Variants in NKAIN3 observed in about 807,000 individuals in gnomAD.
NKAIN3 encodes sodium/potassium-transporting ATPase subunit beta-1-interacting protein 3.
In NKAIN3, 25 loss-of-function variants were observed where a neutral mutation model predicts 30.2. The ratio of observed to expected loss-of-function variants is 0.83; its 90% CI spans 0.60 to 1.16. The LOEUF (loss-of-function observed/expected upper bound fraction) is 1.16, where lower values mean the gene tolerates loss of function less well. NKAIN3 is among the 50% of genes most tolerant of loss of function. The pLI is 0.00. For missense variants in NKAIN3, 225 were observed against 254.1 expected (o/e 0.89, Z 0.78); for synonymous variants, 91 against 89.6 (o/e 1.02, Z -0.09).
chr8:62,695,051 G>A (rs574063602), intron 3 of NKAIN3, among the ~76,000 whole-genome samples: 16 of 152,192 alleles, frequency 1.1e-4, no homozygotes, highest in African/African-American at 2.6e-4. Context: ...ATCCCTATGC[G>A]GATTTCATAT....
chr8:62,921,507 C>G (rs1166837270), intron 5 of NKAIN3, among the ~76,000 whole-genome samples: 1 of 152,116 alleles, frequency 6.6e-6, no homozygotes, highest in Non-Finnish European at 1.5e-5. Context: ...ACACTTATTT[C>G]TAGCCACCCG....
intron 4 of NKAIN3, among the ~76,000 whole-genome samples, chr8:62,845,968 C>A (rs1258239057): frequency 3.9e-5 from 6 of 152,070 alleles, no homozygotes; most frequent in Non-Finnish European, 8.8e-5. Flanking sequence ...ACAGAACTAA[C>A]CAGAGACCCC....
At position 62,601,068 on chromosome 8, in the gene NKAIN3, C is replaced by A. The variant is rs578013590; in HGVS notation, c.273+11274C>A. ...ATGAACAATTGCAGAGGAAACAGAACTCTCAGTTTCCCTCAGCTGCTTACA... is the reference window on the plus strand; with the variant it reads ...ATGAACAATTGCAGAGGAAACAGAAATCTCAGTTTCCCTCAGCTGCTTACA... On this transcript the variant is annotated intron_variant, in intron 3 of 6. Transcript: ENST00000623646. Among the ~76,000 whole-genome samples the A allele has an allele frequency of 2.0e-4, 30 of 152,168 alleles. No individual in the cohort carries two copies. The South Asian group carries it at 6.2e-3, about 31-fold the overall frequency.
chr8:62,266,464 ATTATT>A (rs1812602464), intron 1 of NKAIN3, among the ~76,000 whole-genome samples: 1 of 152,236 alleles, frequency 6.6e-6, no homozygotes, highest in African/African-American at 2.4e-5. Flanking sequence ...AAGAAAAACG[ATTATT>A]TTAAATAGAT....
intron 4 of NKAIN3, among the ~76,000 whole-genome samples, chr8:62,843,759 A>G (rs1819596101): frequency 6.6e-6 from 1 of 152,162 alleles, no homozygotes; most frequent in South Asian, 2.1e-4. Context: ...CAGCAACAAT[A>G]GGGAACTAAT....
chr8:62,745,353 G>C (rs975008018), intron 3 of NKAIN3, among the ~76,000 whole-genome samples: 4 of 152,172 alleles, frequency 2.6e-5, no homozygotes, highest in Non-Finnish European at 4.4e-5. Flanking sequence ...ATGGCCCCCT[G>C]GCACTAAGAC....
chr8:62,747,270 A>G (rs1816108225), intron 4 of NKAIN3, 141 bp downstream of exon 4: 1 of 582,794 alleles, frequency 1.7e-6, no homozygotes. Context: ...TGGTACCACT[A>G]GTTATACCTG....
intron 4 of NKAIN3, among the ~76,000 whole-genome samples, chr8:62,886,161 CTT>C (rs201069172): frequency 6.8e-6 from 1 of 147,836 alleles, no homozygotes. Flanking sequence ...CTTTCTTTAA[CTT>C]TTTTTTTTAG....
intron 3 of NKAIN3, among the ~76,000 whole-genome samples, chr8:62,697,297 G>C (rs906986803): frequency 2.6e-5 from 4 of 152,064 alleles, no homozygotes; most frequent in Admixed American, 2.0e-4. Context: ...CTCTGTTCCA[G>C]CCATGCTGGC....
intron 4 of NKAIN3, among the ~76,000 whole-genome samples, chr8:62,775,690 C>A (rs998616382): frequency 6.6e-6 from 1 of 151,960 alleles, no homozygotes; most frequent in Non-Finnish European, 1.5e-5. Context: ...CATTAAATTT[C>A]CATGTGCTTC....
intron 1 of NKAIN3, among the ~76,000 whole-genome samples, chr8:62,531,775 A>G (rs113694185): frequency 0.029 from 4,344 of 152,284 alleles, 212 homozygotes; most frequent in African/African-American, 0.099. Flanking sequence ...CACTCAGGGA[A>G]AGGGAAATCA....
intron 4 of NKAIN3, among the ~76,000 whole-genome samples, chr8:62,872,595 T>C (rs1820678158): frequency 6.6e-6 from 1 of 152,186 alleles, no homozygotes; most frequent in Non-Finnish European, 1.5e-5. Context: ...TGTGTTACCA[T>C]TGTGTGATTT....
intron 1 of NKAIN3, among the ~76,000 whole-genome samples, chr8:62,500,125 A>G (rs573586184): frequency 8.5e-5 from 13 of 152,212 alleles, no homozygotes; most frequent in African/African-American, 3.1e-4. Flanking sequence ...AGAGACTTCT[A>G]TCATCCTCAA....
intron 4 of NKAIN3, among the ~76,000 whole-genome samples, chr8:62,825,624 A>C (rs1333988225): frequency 6.6e-6 from 1 of 152,270 alleles, no homozygotes; most frequent in Non-Finnish European, 1.5e-5. Flanking sequence ...CCTGACTGAC[A>C]ATCAGAATTA....
At chr8:62,811,357 A>G (rs560652689) in intron 4 of NKAIN3, among the ~76,000 whole-genome samples, 130 of 152,214 alleles carry the variant, frequency 8.5e-4, no homozygotes, top group Non-Finnish European at 1.6e-3. Context: ...ATGTGAAAAA[A>G]AGTTTTCATT....
chr8:62,305,374 T>C (rs1479666993), intron 1 of NKAIN3, among the ~76,000 whole-genome samples: 1 of 150,430 alleles, frequency 6.6e-6, no homozygotes, highest in Admixed American at 6.6e-5. Flanking sequence ...CGCATACAGA[T>C]ATAATTTTGA....
chr8:62,451,776 T>C (rs1045842563), intron 1 of NKAIN3, among the ~76,000 whole-genome samples: 5 of 152,184 alleles, frequency 3.3e-5, no homozygotes, highest in Admixed American at 6.5e-5. Context: ...TAAACACAAT[T>C]TTAAAATATT....
At chr8:62,496,874 G>A (rs149302389) in intron 1 of NKAIN3, among the ~76,000 whole-genome samples, 10 of 152,120 alleles carry the variant, frequency 6.6e-5, no homozygotes, top group South Asian at 2.1e-4. Context: ...TTTAATTTCC[G>A]TACGTGGCCT....
At chr8:62,802,734 A>G (rs1308424099) in intron 4 of NKAIN3, among the ~76,000 whole-genome samples, 1 of 152,200 alleles carries the variant, frequency 6.6e-6, no homozygotes, top group Non-Finnish European at 1.5e-5. Context: ...AGCTAACATC[A>G]TAATGACAGG....
Sources: gnomAD v4.1 joint callset for allele counts (sites outside exome capture counted in the v4.1 genomes callset) on GRCh38, gnomAD v4.1.1 for gene constraint, MANE v1.5 for transcripts, NCBI Gene and HGNC (gene_info 2026-07-23, HGNC 2026-07-21) for gene names.